The following SGCZ variants were observed in gnomAD, a reference collection of about 807,000 sequenced individuals.
The protein encoded by SGCZ is sarcoglycan zeta.
Under a neutral mutation model 41.3 loss-of-function variants are expected in SGCZ, and 40 were observed. That is an observed-to-expected ratio of 0.97 (90% CI 0.75 to 1.26). The LOEUF is 1.26. Ranked by LOEUF, SGCZ falls within the 50% of genes most tolerant of loss-of-function variation. The probability of loss-of-function intolerance (pLI) is 0.00; values close to 1 mark genes in which losing one functional copy is unlikely to be tolerated. For synonymous variants in SGCZ, 206 were observed against 137.5 expected (o/e 1.50, Z -3.49); for missense variants, 552 against 369.8 (o/e 1.49, Z -4.04).
At chr8:14,855,206 T>C (rs1803500393) in intron 1 of SGCZ, among the ~76,000 whole-genome samples, 1 of 151,876 alleles carries the variant, frequency 6.6e-6, no homozygotes, top group African/African-American at 2.4e-5. Context: ...GATGCCAACA[T>C]GTCCACCTAA....
At position 14,799,752 on chromosome 8, in the gene SGCZ, C is replaced by A. The variant is rs150403890; in HGVS notation, c.40-244826G>T. Among the ~76,000 whole-genome samples the A allele has an allele frequency of 3.3e-5, 5 of 152,068 alleles. 1 individual carries two copies. The Middle Eastern group carries it at 0.014, about 414-fold the overall frequency. On this transcript the variant is annotated intron_variant, in intron 1 of 7. Transcript: ENST00000382080. ...AGCTGAATCTACTCCTTTGAAGCAACCTTCTCTAAAACCTCATGCCCCTTT... is the reference window on the plus strand; with the variant it reads ...AGCTGAATCTACTCCTTTGAAGCAAACTTCTCTAAAACCTCATGCCCCTTT...
intron 2 of SGCZ, among the ~76,000 whole-genome samples, chr8:14,523,657 G>C (rs559421480): frequency 6.6e-6 from 1 of 151,848 alleles, no homozygotes; most frequent in Non-Finnish European, 1.5e-5. Flanking sequence ...AGATTTCTTT[G>C]AATTTTCCAC....
At chr8:14,637,909 G>A (rs1806886954) in intron 1 of SGCZ, among the ~76,000 whole-genome samples, 1 of 151,752 alleles carries the variant, frequency 6.6e-6, no homozygotes, top group Non-Finnish European at 1.5e-5. Flanking sequence ...GCTTTTCACA[G>A]GGGCTAATTT....
At chr8:14,318,833 T>C (rs1801813937) in intron 3 of SGCZ, among the ~76,000 whole-genome samples, 1 of 151,888 alleles carries the variant, frequency 6.6e-6, no homozygotes, top group Non-Finnish European at 1.5e-5. Context: ...CATTAAAACT[T>C]CAGCATTATA....
chr8:14,833,109 C>CT (rs1802587333), intron 1 of SGCZ, among the ~76,000 whole-genome samples: 1 of 151,840 alleles, frequency 6.6e-6, no homozygotes, highest in South Asian at 2.1e-4. Flanking sequence ...TAAATGTAGC[C>CT]TATTTATGAA....
chr8:14,367,790 TC>T (rs1171189761), intron 2 of SGCZ, among the ~76,000 whole-genome samples: 1 of 152,056 alleles, frequency 6.6e-6, no homozygotes, highest in Admixed American at 6.6e-5. Flanking sequence ...GGACTGCAAT[TC>T]AAAATGAGAT....
chr8:15,066,315 C>CAAAAAAAAAAA (rs34127345), intron 1 of SGCZ, among the ~76,000 whole-genome samples: 1 of 106,942 alleles, frequency 9.4e-6, no homozygotes, highest in African/African-American at 3.6e-5. Context: ...ACTCCGTCTC[C>CAAAAAAAAAAA]AAAAAAAAAA....
chr8:14,951,604 C>T (rs375359029), intron 1 of SGCZ, among the ~76,000 whole-genome samples: 1 of 152,068 alleles, frequency 6.6e-6, no homozygotes, highest in African/African-American at 2.4e-5. Flanking sequence ...GCTGGTTCAA[C>T]GTCTCAAAAA....
intron 1 of SGCZ, among the ~76,000 whole-genome samples, chr8:14,765,286 T>C (rs1224293954): frequency 6.6e-6 from 1 of 152,200 alleles, no homozygotes; most frequent in African/African-American, 2.4e-5. Flanking sequence ...TTTTCAATGA[T>C]AGAACTACAA....
At chr8:14,645,084 G>A (rs1015054979) in intron 1 of SGCZ, among the ~76,000 whole-genome samples, 3 of 151,540 alleles carry the variant, frequency 2.0e-5, no homozygotes, top group African/African-American at 7.3e-5. Context: ...TATTTGGCAA[G>A]CATCCCAGGG....
At chr8:14,587,250 A>G (rs1025506401) in intron 1 of SGCZ, among the ~76,000 whole-genome samples, 1 of 152,048 alleles carries the variant, frequency 6.6e-6, no homozygotes, top group Non-Finnish European at 1.5e-5. Flanking sequence ...ATATCTTAGT[A>G]GAAGATATAG....
intron 1 of SGCZ, among the ~76,000 whole-genome samples, chr8:14,954,778 T>C (rs1800743131): frequency 6.6e-6 from 1 of 152,156 alleles, no homozygotes; most frequent in Non-Finnish European, 1.5e-5. Context: ...ATTATCTTCA[T>C]TGCAGCCTGC....
intron 2 of SGCZ, among the ~76,000 whole-genome samples, chr8:14,412,096 C>T (rs186169181): frequency 1.6e-4 from 25 of 152,068 alleles, no homozygotes; most frequent in Admixed American, 1.5e-3. Flanking sequence ...GATTGATTTG[C>T]AGAAAAGAAC....
At chr8:14,498,999 C>T (rs933768246) in intron 2 of SGCZ, among the ~76,000 whole-genome samples, 1 of 151,724 alleles carries the variant, frequency 6.6e-6, no homozygotes, top group South Asian at 2.1e-4. Context: ...CATGTATTCT[C>T]TTTAAATTTG....
chr8:14,521,743 G>C (rs555298023), intron 2 of SGCZ, among the ~76,000 whole-genome samples: 12 of 152,154 alleles, frequency 7.9e-5, no homozygotes, highest in Non-Finnish European at 1.6e-4. Flanking sequence ...ATTTAGAACG[G>C]CTGTTCCATT....
intron 5 of SGCZ, among the ~76,000 whole-genome samples, chr8:14,112,181 T>TAAGTTA (rs141664003): frequency 0.021 from 3,231 of 152,000 alleles, 146 homozygotes; most frequent in African/African-American, 0.075. Flanking sequence ...ATTATATTTT[T>TAAGTTA]AAGTTATTTG....
intron 4 of SGCZ, among the ~76,000 whole-genome samples, chr8:14,177,068 G>A (rs534752852): frequency 1.3e-5 from 2 of 152,118 alleles, no homozygotes; most frequent in African/African-American, 4.8e-5. Flanking sequence ...GAGAGTAAGC[G>A]ATGAGTCACT....
intron 1 of SGCZ, among the ~76,000 whole-genome samples, chr8:14,834,848 C>G (rs1802643595): frequency 2.0e-5 from 3 of 152,176 alleles, no homozygotes; most frequent in Non-Finnish European, 4.4e-5. Context: ...GGAGCTTGAG[C>G]AAGTTACTTT....
intron 2 of SGCZ, among the ~76,000 whole-genome samples, chr8:14,372,395 T>G (rs1450761316): frequency 2.0e-5 from 3 of 152,192 alleles, no homozygotes; most frequent in Non-Finnish European, 2.9e-5. Flanking sequence ...ATTTATTCTG[T>G]GCCAGATAAT....
Sources: gnomAD v4.1 joint callset for allele counts (sites outside exome capture counted in the v4.1 genomes callset) on GRCh38, gnomAD v4.1.1 for gene constraint, MANE v1.5 for transcripts, NCBI Gene and HGNC (gene_info 2026-07-23, HGNC 2026-07-21) for gene names.